The following STK33 variants were observed in gnomAD, a reference collection of about 807,000 sequenced individuals.
The protein encoded by STK33 is serine/threonine-protein kinase 33.
STK33 carries 52 observed loss-of-function variants against 58.0 expected under a neutral mutation model. That is an observed-to-expected ratio of 0.90 (90% confidence interval 0.72 to 1.13). The LOEUF is 1.13. Among genes scored for constraint, STK33 ranks in the 50% most tolerant of loss-of-function variants. STK33 has a pLI of 0.00. For synonymous variants in STK33, 215 were observed against 200.1 expected (o/e 1.07, Z -0.63); for missense variants, 630 against 604.2 (o/e 1.04, Z -0.45).
intron 1 of STK33, among the ~76,000 whole-genome samples, chr11:8,522,427 G>A (rs1953548935): frequency 6.8e-6 from 1 of 148,012 alleles, no homozygotes; most frequent in South Asian, 2.1e-4. Context: ...TGAACAATGA[G>A]AACAGTTGGA....
intron 5 of STK33, 49 bp downstream of exon 5, chr11:8,474,632 G>T (rs367851480): frequency 5.1e-6 from 7 of 1,385,438 alleles, no homozygotes; most frequent in East Asian, 4.7e-5. Flanking sequence ...AGTACCATTA[G>T]GGAACGGGAT....
chr11:8,402,282 A>G (rs1938176762), intron 15 of STK33, among the ~76,000 whole-genome samples: 1 of 152,226 alleles, frequency 6.6e-6, no homozygotes, highest in African/African-American at 2.4e-5. Flanking sequence ...AATACTATGC[A>G]GCCATAAAAA....
intron 8 of STK33, among the ~76,000 whole-genome samples, chr11:8,460,681 C>A (rs1197392165): frequency 1.3e-5 from 2 of 151,532 alleles, no homozygotes; most frequent in African/African-American, 2.4e-5. Context: ...GTCCATGAAC[C>A]CCGAACACAA....
At chr11:8,530,589 C>T (rs1445183753) in intron 1 of STK33, among the ~76,000 whole-genome samples, 1 of 151,824 alleles carries the variant, frequency 6.6e-6, no homozygotes, top group Non-Finnish European at 1.5e-5. Context: ...AAACAGAAGA[C>T]AAGGAAGAGG....
intron 14 of STK33, among the ~76,000 whole-genome samples, chr11:8,423,062 A>C (rs1942175900): frequency 6.6e-6 from 1 of 150,802 alleles, no homozygotes; most frequent in Admixed American, 6.6e-5. Flanking sequence ...GGCTTGTCTC[A>C]AACTCCTGGA....
chr11:8,492,292 C>T (rs1293331474), intron 1 of STK33, among the ~76,000 whole-genome samples: 1 of 151,958 alleles, frequency 6.6e-6, no homozygotes, highest in Non-Finnish European at 1.5e-5. Context: ...GCAGGGGTTG[C>T]AATCCTAGTC....
At chr11:8,580,658 A>C (rs1183006905) in intron 1 of STK33, among the ~76,000 whole-genome samples, 1 of 152,170 alleles carries the variant, frequency 6.6e-6, no homozygotes, top group African/African-American at 2.4e-5. Context: ...ATAAATGTTT[A>C]AGGGCACAGA....
chr11:8,487,979 C>G (rs545319550), intron 1 of STK33, among the ~76,000 whole-genome samples: 1 of 152,266 alleles, frequency 6.6e-6, no homozygotes, highest in South Asian at 2.1e-4. Flanking sequence ...CTTATCTCCA[C>G]AATAAAAATA....
At chr11:8,350,276 G>A in the STK33 span, among the ~76,000 whole-genome samples, 1 of 152,230 alleles carries the variant, frequency 6.6e-6, no homozygotes, top group Non-Finnish European at 1.5e-5. Context: ...GACTCCCAGA[G>A]CAGGAGGCCA....
chr11:8,484,785 T>G (rs1950086626), intron 1 of STK33, among the ~76,000 whole-genome samples: 1 of 152,208 alleles, frequency 6.6e-6, no homozygotes. Flanking sequence ...TGGTGAGTTT[T>G]TGAAACCTTG....
chr11:8,587,195 A>G (rs1018305001), intron 1 of STK33, among the ~76,000 whole-genome samples: 4 of 152,242 alleles, frequency 2.6e-5, no homozygotes, highest in African/African-American at 4.8e-5. Flanking sequence ...TTCAAACTCT[A>G]AGACTCTATG....
chr11:8,415,204 G>A (rs1940942833), intron 14 of STK33, among the ~76,000 whole-genome samples: 1 of 152,084 alleles, frequency 6.6e-6, no homozygotes, highest in Non-Finnish European at 1.5e-5. Context: ...CTAGCAGAAA[G>A]TGACAATCTG....
intron 12 of STK33, among the ~76,000 whole-genome samples, chr11:8,439,297 A>T (rs1337083503): frequency 6.6e-6 from 1 of 152,124 alleles, no homozygotes; most frequent in Non-Finnish European, 1.5e-5. Flanking sequence ...AGAACAAGGA[A>T]AACAGATACA....
chr11:8,452,831 T>C lies in STK33; in HGVS notation c.862A>G (p.Ile288Val), dbSNP rs1946440615. 3 of 1,613,714 alleles carry C rather than the reference T, an allele frequency of 1.9e-6. No homozygotes were observed. The highest frequency in any genetic ancestry group is 2.7e-5 in the African/African-American group (2 of 74,918). ...AAGTCTACTAACTTACCCATATAGA[T>C]AGGAGTCCCACATGTGGCCTGCAGC... is the stretch of plus-strand genomic sequence containing the variant. Reference protein sequence around the residue: ...AMLQATCGTPIYMAPEVISAH... With the variant: ...AMLQATCGTPVYMAPEVISAH... The change falls in exon 11 of 16, where the codon ATC becomes GTC. Residue 288 changes from isoleucine (I) to valine (V), a missense_variant. By Grantham distance (29) the Ile-to-Val change is conservative. Coordinates refer to ENST00000687296, the MANE Select transcript of STK33 (RefSeq NM_001352389.2).
chr11:8,539,327 TG>T (rs2140302246), intron 1 of STK33, among the ~76,000 whole-genome samples: 1 of 152,342 alleles, frequency 6.6e-6, no homozygotes, highest in African/African-American at 2.4e-5. Flanking sequence ...GACACGGTGC[TG>T]CATCTCAAAA....
At position 8,418,530 on chromosome 11, in the gene STK33, T is replaced by C. The variant is rs1275371141; in HGVS notation, c.1147-4838A>G. Among the ~76,000 whole-genome samples the C allele has an allele frequency of 2.0e-5, 3 of 152,216 alleles. No individual in the cohort carries two copies. The East Asian group carries it at 5.8e-4, about 29-fold the overall frequency. ...GATTCCATCTCTTTGCTATTGTGAA[T>C]AGTGCTGCAGTTAACATTCATGTGC... On this transcript the variant is annotated intron_variant, in intron 14 of 15. Transcript: ENST00000687296.
chr11:8,380,584 T>C, the STK33 span, among the ~76,000 whole-genome samples: 1 of 149,836 alleles, frequency 6.7e-6, no homozygotes, highest in African/African-American at 2.4e-5. Context: ...AAAATGGCTG[T>C]TATTAAAAAG....
At chr11:8,490,465 C>G (rs1279413087) in intron 1 of STK33, among the ~76,000 whole-genome samples, 2 of 152,190 alleles carry the variant, frequency 1.3e-5, no homozygotes, top group Non-Finnish European at 2.9e-5. Flanking sequence ...CCTGCTGCCT[C>G]TGTAGACTCC....
chr11:8,536,490 C>T (rs2140241286), intron 1 of STK33, among the ~76,000 whole-genome samples: 1 of 152,130 alleles, frequency 6.6e-6, no homozygotes, highest in South Asian at 2.1e-4. Flanking sequence ...AGGCTGATAC[C>T]ACCTGAACAG....
Sources: allele counts gnomAD v4.1 joint callset (sites outside exome capture counted in the v4.1 genomes callset), GRCh38; gene constraint gnomAD v4.1.1; transcripts MANE v1.5; gene names NCBI Gene and HGNC (gene_info 2026-07-23, HGNC 2026-07-21).